Variants in NDUFB8 observed in about 807,000 individuals in gnomAD.
The protein encoded by NDUFB8 is NADH dehydrogenase [ubiquinone] 1 beta subcomplex subunit 8, mitochondrial.
A neutral mutation model predicts 26.0 loss-of-function variants in NDUFB8; 17 were observed. The observed-to-expected ratio is 0.65, with a 90% CI of 0.45 to 0.98. The LOEUF is 0.98. Among genes scored for constraint, NDUFB8 ranks in the 50% least tolerant of loss-of-function variants. The probability of loss-of-function intolerance (pLI) is 0.00; values close to 1 mark genes in which losing one functional copy is unlikely to be tolerated. For missense variants in NDUFB8, 238 were observed against 255.0 expected (o/e 0.93, Z 0.45); for synonymous variants, 89 against 93.1 (o/e 0.96, Z 0.25).
Position 100,526,485 on chromosome 10 carries a change from CAT to C in NDUFB8, c.380_381del (p.His127ArgfsTer38), listed in dbSNP as rs1564657892. The C allele has an allele frequency of 6.2e-7, 1 of 1,612,700 alleles. No homozygotes were observed. The highest frequency in any genetic ancestry group is 2.2e-5 in the East Asian group (1 of 44,866). Reference protein sequence around the residue: ...VDTSPTPVSWHVMCMQLFGFL... With the variant: ...VDTSPTPVSWXVMCMQLFGFL... ...AAACCGAAGAGCTGCATACACATGACATGCCAAGAAACAGGTGTGGGGGATGT... is the reference window on the plus strand; with the variant it reads ...AAACCGAAGAGCTGCATACACATGACGCCAAGAAACAGGTGTGGGGGATGT... On this transcript the variant is annotated frameshift_variant, in exon 4 of 5. Coordinates refer to ENST00000299166, the MANE Select transcript of NDUFB8 (RefSeq NM_005004.4). LOFTEE classifies it high-confidence loss of function.
chr10:100,525,716 ACGTG>A (rs889223127), intron 4 of NDUFB8, among the ~76,000 whole-genome samples: 1 of 73,664 alleles, frequency 1.4e-5, no homozygotes, highest in Middle Eastern at 7.0e-3. Flanking sequence ...CTAAGCACAT[ACGTG>A]TGTGTGTGTG....
In NDUFB8 at chr10:100,527,104, G is replaced by A. The variant is rs1852065492; in HGVS notation, c.213-30C>T. The A allele has an allele frequency of 5.1e-6, 8 of 1,567,300 alleles. No individual in the cohort carries two copies. The East Asian group carries it at 1.8e-4, about 35-fold the overall frequency. On this transcript the variant is annotated intron_variant, in intron 2 of 4. Coordinates refer to ENST00000299166, the MANE Select transcript of NDUFB8 (RefSeq NM_005004.4). Reference sequence around the variant, plus strand: ...AAGACAGCAAGAACTTCTGGAAAGGGCTGTGAGCAGCCTCAGACAATTCAG... The same window carrying A: ...AAGACAGCAAGAACTTCTGGAAAGGACTGTGAGCAGCCTCAGACAATTCAG...
rs1852001876 is a variant in NDUFB8 at position 100,524,000 on chromosome 10, A to C, written c.469-71T>G. 6.8e-6 allele frequency: 11 copies of C among 1,607,392 alleles called. No individual in the cohort carries two copies. In the South Asian group the frequency reaches 1.1e-4, roughly 16 times the overall value. On this transcript the variant is annotated intron_variant, in intron 4 of 4. Coordinates refer to ENST00000299166, the MANE Select transcript of NDUFB8 (RefSeq NM_005004.4). ...ACCTGGCTACACCCCACTCTGAGTTAACAATCACGCATGGTAAATGGGTAC... is the reference window on the plus strand; with the variant it reads ...ACCTGGCTACACCCCACTCTGAGTTCACAATCACGCATGGTAAATGGGTAC...
At chr10:100,528,267 G>A (rs1046910028) in intron 2 of NDUFB8, among the ~76,000 whole-genome samples, 12 of 152,302 alleles carry the variant, frequency 7.9e-5, no homozygotes, top group East Asian at 7.7e-4. Context: ...CCATAAAGCC[G>A]AGGTGTGTAG....
At chr10:100,526,767 A>G in intron 3 of NDUFB8, 1 of 727,442 alleles carries the variant, frequency 1.4e-6, no homozygotes. Flanking sequence ...CCATCATGGA[A>G]GTGCACAACT....
chr10:100,526,899 G>C (rs916938509), intron 3 of NDUFB8, 76 bp downstream of exon 3: 2 of 1,395,858 alleles, frequency 1.4e-6, no homozygotes. Context: ...CTTGGTCAAA[G>C]AAGTGCCATC....
At chr10:100,523,976 C>A (rs775653278) in intron 4 of NDUFB8, 47 bp from the exon 5 acceptor site, 34 of 1,612,436 alleles carry the variant, frequency 2.1e-5, no homozygotes, top group Non-Finnish European at 2.8e-5. Flanking sequence ...TCAGTCAATA[C>A]CTGGCTACAC....
In NDUFB8 at chr10:100,526,544, T is replaced by A. The variant is rs978524809; in HGVS notation, c.323A>T (p.His108Leu). The change falls in exon 4 of 5, where the codon CAC becomes CTC. Residue 108 changes from histidine to leucine, a missense_variant. Coordinates refer to ENST00000299166, the MANE Select transcript of NDUFB8 (RefSeq NM_005004.4). ...ACGGTTCCTGTTGTACATGTCTAGGTGCCAGTGCATCTGAGGCAGAAAGAC... is the reference window on the plus strand; with the variant it reads ...ACGGTTCCTGTTGTACATGTCTAGGAGCCAGTGCATCTGAGGCAGAAAGAC... ...RLNWGEPMHW[H>L]LDMYNRNRVD... is the part of the protein sequence containing the mutation. 2.5e-5 allele frequency: 41 copies of A among 1,613,102 alleles called. No homozygotes were observed. Among genetic ancestry groups the A allele is most frequent in the Admixed American group, 6.7e-5 (4 of 59,650 alleles).
At chr10:100,529,882 A>T (rs758719679), upstream of NDUFB8, 1 of 1,610,078 alleles carries the variant, frequency 6.2e-7, no homozygotes, top group Non-Finnish European at 8.5e-7. Flanking sequence ...CCTTCTGCAC[A>T]TGCGCAAAGG....
rs1019302173 is a variant in NDUFB8 at position 100,524,749 on chromosome 10, T to G, written c.469-820A>C. On this transcript the variant is annotated intron_variant, in intron 4 of 4. Coordinates refer to ENST00000299166, the MANE Select transcript of NDUFB8 (RefSeq NM_005004.4). This position sits in a 1 kb window ranked among gnomAD's most constrained non-coding sequence, Gnocchi z 4.0. ...CTGCTTTCAGCTTCTCTCCTTCCAG[T>G]ACATCCTGGAGACTACTCCTGGATT... 6.6e-6 allele frequency among the ~76,000 whole-genome samples: 1 copy of G among 152,218 alleles called. No individual in the cohort carries two copies. The highest frequency in any genetic ancestry group is 1.5e-5 in the Non-Finnish European group (1 of 68,030).
chr10:100,525,619 TGTGTGTGTGTGTG>T (rs1852032221), intron 4 of NDUFB8, among the ~76,000 whole-genome samples: 1 of 1,656 alleles, frequency 6.0e-4, no homozygotes, highest in South Asian at 0.031. Flanking sequence ...CCAAAGCGTG[TGTGTGTGTGTGTG>T]TGTGTGTGTG....
chr10:100,526,692 G>A (rs1243551319), intron 3 of NDUFB8, 138 bp from the exon 4 acceptor site: 1 of 1,031,352 alleles, frequency 9.7e-7, no homozygotes, highest in East Asian at 2.6e-5. Context: ...AACCAGGTCT[G>A]AGGCACACTG....
At chr10:100,528,795 G>C (rs1018568014) in intron 2 of NDUFB8, among the ~76,000 whole-genome samples, 1 of 152,218 alleles carries the variant, frequency 6.6e-6, no homozygotes, top group African/African-American at 2.4e-5. Context: ...AATCACTTCA[G>C]ATAATTAACC....
intron 2 of NDUFB8, 184 bp downstream of exon 2, chr10:100,529,196 A>C (rs1852102434): frequency 2.3e-6 from 1 of 434,114 alleles, no homozygotes; most frequent in Non-Finnish European, 4.0e-6. Context: ...AGAAAATTGA[A>C]GTCCTCTCAG....
Position 100,527,058 on chromosome 10 carries a change from T to C in NDUFB8, c.229A>G (p.Lys77Glu). The C allele has an allele frequency of 6.2e-7, 1 of 1,614,096 alleles. No homozygotes were observed. The highest frequency in any genetic ancestry group is 8.5e-7 in the Non-Finnish European group (1 of 1,179,988). The change falls in exon 3 of 5, where the codon AAG (lysine) becomes GAG (glutamate). Residue 77 changes from lysine to glutamate, a missense_variant. Physicochemically the swap from Lys to Glu is moderately conservative, Grantham distance 56. Coordinates refer to ENST00000299166, the MANE Select transcript of NDUFB8 (RefSeq NM_005004.4). ...TCATGCTGTGAGCGGTCAGGGAGCTTCGGGTAGTCGCCATACCTGAAAGAC... is the reference window on the plus strand; with the variant it reads ...TCATGCTGTGAGCGGTCAGGGAGCTCCGGGTAGTCGCCATACCTGAAAGAC... ...DDGMGYGDYP[K>E]LPDRSQHERD...
intron 4 of NDUFB8, among the ~76,000 whole-genome samples, chr10:100,525,776 G>A (rs1852038888): frequency 7.1e-6 from 1 of 141,570 alleles, no homozygotes. Context: ...TAGCATCTAG[G>A]TAGCCCTTCT....
intron 1 of NDUFB8, 67 bp from the exon 2 acceptor site, chr10:100,529,573 G>A: frequency 6.3e-7 from 1 of 1,592,948 alleles, no homozygotes; most frequent in East Asian, 2.3e-5. Flanking sequence ...GCTTCAAGTC[G>A]CAGGGGCTGC....
At chr10:100,527,619 CA>C (rs528977870) in intron 2 of NDUFB8, among the ~76,000 whole-genome samples, 1 of 151,726 alleles carries the variant, frequency 6.6e-6, no homozygotes, top group African/African-American at 2.4e-5. Flanking sequence ...CAAAACAAAA[CA>C]AAAAAACCCA....
intron 2 of NDUFB8, 59 bp downstream of exon 2, chr10:100,529,321 C>G: frequency 6.7e-7 from 1 of 1,499,060 alleles, no homozygotes. Context: ...TCAAGCCACC[C>G]AACCCAGCCG....
Sources: gnomAD v4.1 joint callset for allele counts (sites outside exome capture counted in the v4.1 genomes callset) on GRCh38, gnomAD v4.1.1 for gene constraint, Gnocchi (gnomAD v3.1) non-coding constraint, MANE v1.5 for transcripts, NCBI Gene and HGNC (gene_info 2026-07-23, HGNC 2026-07-21) for gene names.